Variants in PDE3B observed in about 807,000 individuals in gnomAD.
The protein encoded by PDE3B is cGMP-inhibited 3',5'-cyclic phosphodiesterase 3B.
Under a neutral mutation model 116.8 loss-of-function variants are expected in PDE3B, and 66 were observed. The observed-to-expected ratio is 0.56, with a 90% confidence interval of 0.46 to 0.69. The LOEUF is 0.69. PDE3B is among the 30% of genes least tolerant of loss of function. The pLI, the probability that PDE3B is intolerant of heterozygous loss-of-function variation, is 0.00. For synonymous variants in PDE3B, 595 were observed against 533.6 expected (o/e 1.12, Z -1.59); for missense variants, 1,384 against 1,368.1 (o/e 1.01, Z -0.18).
At chr11:14,689,867 C>A (rs186213372) in intron 1 of PDE3B, among the ~76,000 whole-genome samples, 2 of 152,146 alleles carry the variant, frequency 1.3e-5, no homozygotes, top group South Asian at 2.1e-4. Flanking sequence ...TAAGGCATTT[C>A]AATATTGCCA....
the PDE3B span, among the ~76,000 whole-genome samples, chr11:14,893,455 A>G: frequency 6.6e-6 from 1 of 152,216 alleles, no homozygotes; most frequent in East Asian, 1.9e-4. Context: ...GCTTAAAACC[A>G]CACAAATTTA....
chr11:14,827,431 C>T (rs1045762830), intron 7 of PDE3B, among the ~76,000 whole-genome samples: 4 of 152,078 alleles, frequency 2.6e-5, no homozygotes, highest in Admixed American at 1.3e-4. Flanking sequence ...AGTCTCGGCC[C>T]GAAAGCTCCT....
intron 2 of PDE3B, among the ~76,000 whole-genome samples, chr11:14,777,975 C>T (rs548285933): frequency 2.0e-4 from 30 of 152,298 alleles, no homozygotes; most frequent in Admixed American, 3.3e-4. Flanking sequence ...CCTAATACTG[C>T]GCTTTTCCAA....
intron 1 of PDE3B, among the ~76,000 whole-genome samples, chr11:14,763,930 C>G (rs1445775132): frequency 6.6e-6 from 1 of 151,982 alleles, no homozygotes; most frequent in Non-Finnish European, 1.5e-5. Context: ...TACAATGCCC[C>G]TGTATTATTT....
At chr11:14,843,760 T>A (rs759122168) in intron 11 of PDE3B, 67 bp from the exon 12 acceptor site, 87 of 1,226,718 alleles carry the variant, frequency 7.1e-5, no homozygotes, top group Admixed American at 1.4e-4. Flanking sequence ...GAGAATCCCC[T>A]CCATAGCAAA....
chr11:14,683,569 T>C (rs1854778494), intron 1 of PDE3B, among the ~76,000 whole-genome samples: 2 of 152,094 alleles, frequency 1.3e-5, no homozygotes, highest in South Asian at 4.1e-4. Context: ...TCTTTTTTTC[T>C]TTATCAGTTT....
intron 1 of PDE3B, among the ~76,000 whole-genome samples, chr11:14,679,577 A>G (rs1008504993): frequency 2.0e-5 from 3 of 151,088 alleles, no homozygotes; most frequent in Non-Finnish European, 4.4e-5. Flanking sequence ...TCTCTTCTTC[A>G]CTCGGGACCC....
In PDE3B at chr11:14,869,717, G is replaced by C; in HGVS notation, c.*57G>C. On this transcript the variant is annotated 3_prime_UTR_variant, in exon 16 of 16. Transcript: ENST00000282096. ...AAGAAGCCCAGAGGGTTGTGCCCAG[G>C]GGCAGAAATCATTGCCTAGTGTTCA... The C allele has an allele frequency of 6.9e-7, 1 of 1,457,458 alleles. No homozygotes were observed. 90.3% of individuals were successfully genotyped at this position (1,457,458 alleles called of 1,614,324 possible).
intron 1 of PDE3B, among the ~76,000 whole-genome samples, chr11:14,654,766 T>C (rs1853660210): frequency 6.7e-6 from 1 of 149,390 alleles, no homozygotes. Context: ...AAATCTTGTT[T>C]ATATATACAC....
chr11:14,738,189 G>A (rs570398278), intron 1 of PDE3B, among the ~76,000 whole-genome samples: 218 of 152,248 alleles, frequency 1.4e-3, no homozygotes, highest in African/African-American at 4.8e-3. Context: ...CTGAGGAATC[G>A]CCACACTGAC....
intron 1 of PDE3B, among the ~76,000 whole-genome samples, chr11:14,737,611 A>T: frequency 6.6e-6 from 1 of 152,196 alleles, no homozygotes; most frequent in East Asian, 1.9e-4. Context: ...ATAGCCTAAA[A>T]TTAACCATTT....
chr11:14,831,890 CATT>C (rs1438542429), intron 9 of PDE3B, 113 bp downstream of exon 9: 6 of 629,390 alleles, frequency 9.5e-6, no homozygotes, highest in Non-Finnish European at 1.6e-5. Flanking sequence ...TGACATTGTT[CATT>C]ATTTTTTTCA....
intron 1 of PDE3B, among the ~76,000 whole-genome samples, chr11:14,751,001 A>C (rs1301320441): frequency 1.3e-5 from 2 of 152,150 alleles, no homozygotes; most frequent in African/African-American, 4.8e-5. Flanking sequence ...TGTCATTTAC[A>C]AATACAATAG....
intron 1 of PDE3B, among the ~76,000 whole-genome samples, chr11:14,747,825 A>G (rs978850859): frequency 2.6e-5 from 4 of 152,210 alleles, no homozygotes; most frequent in African/African-American, 9.6e-5. Context: ...CGCATGTAAT[A>G]TACATATTTA....
chr11:14,811,130 C>T (rs201423357), intron 5 of PDE3B, among the ~76,000 whole-genome samples: 166 of 140,444 alleles, frequency 1.2e-3, no homozygotes, highest in South Asian at 2.3e-3. Context: ...CCTGTTCACT[C>T]TGATGGTAGT....
At chr11:14,880,043 T>C in the PDE3B span, 1 of 1,339,590 alleles carries the variant, frequency 7.5e-7, no homozygotes, top group Non-Finnish European at 1.0e-6. Flanking sequence ...CAGGAGTTCC[T>C]AAAGAAAATG....
chr11:14,661,975 G>A (rs1379913998), intron 1 of PDE3B, among the ~76,000 whole-genome samples: 2 of 152,114 alleles, frequency 1.3e-5, no homozygotes, highest in African/African-American at 2.4e-5. Context: ...GCACGCAGCT[G>A]GAGATCTGAG....
chr11:14,892,383 T>C, the PDE3B span: 9 of 643,270 alleles, frequency 1.4e-5, no homozygotes, highest in South Asian at 9.5e-5. Context: ...TTTGCGCGGC[T>C]GAGAGTGGAC....
chr11:14,664,833 G>A lies in PDE3B; in HGVS notation c.978+19780G>A, dbSNP rs1372577846. Among the ~76,000 whole-genome samples the A allele has an allele frequency of 2.0e-5, 3 of 152,156 alleles. No homozygotes were observed. The East Asian group carries it at 5.8e-4, about 29-fold the overall frequency. Reference sequence around the variant, plus strand: ...ATGGATTCACAGCCGAATTATACCAGAGGTACAAGGAGGAGCTGGTACCAT... The same window carrying A: ...ATGGATTCACAGCCGAATTATACCAAAGGTACAAGGAGGAGCTGGTACCAT... On this transcript the variant is annotated intron_variant, in intron 1 of 15. Coordinates refer to ENST00000282096, the MANE Select transcript of PDE3B (RefSeq NM_000922.4).
Sources: gnomAD v4.1 joint callset for allele counts (sites outside exome capture counted in the v4.1 genomes callset) on GRCh38, gnomAD v4.1.1 for gene constraint, MANE v1.5 for transcripts, NCBI Gene and HGNC (gene_info 2026-07-23, HGNC 2026-07-21) for gene names.